Variants in TTLL11 observed in about 807,000 individuals in gnomAD.
TTLL11 encodes the protein tubulin polyglutamylase TTLL11.
In TTLL11, 42 loss-of-function variants were observed where a neutral mutation model predicts 51.7. The observed-to-expected ratio is 0.81, with a 90% CI of 0.64 to 1.05. The LOEUF (loss-of-function observed/expected upper bound fraction) is 1.05, where lower values mean the gene tolerates loss of function less well. Among genes scored for constraint, TTLL11 ranks in the 50% least tolerant of loss-of-function variants. TTLL11 has a pLI of 0.00. For synonymous variants in TTLL11, 381 were observed against 383.5 expected (o/e 0.99, Z 0.08); for missense variants, 799 against 940.4 (o/e 0.85, Z 1.97).
chr9:121,964,650 G>C (rs1166090562), intron 6 of TTLL11, among the ~76,000 whole-genome samples: 1 of 151,976 alleles, frequency 6.6e-6, no homozygotes, highest in Admixed American at 6.6e-5. Flanking sequence ...TTTCCATCTA[G>C]CTCCCACCTT....
chr9:121,862,303 G>A (rs1016144910), intron 7 of TTLL11, among the ~76,000 whole-genome samples: 5 of 152,036 alleles, frequency 3.3e-5, no homozygotes, highest in African/African-American at 1.2e-4. Context: ...GTGTGACTGT[G>A]GGGAATTTAC....
At chr9:121,976,835 G>A (rs537551364) in intron 4 of TTLL11, among the ~76,000 whole-genome samples, 2 of 152,294 alleles carry the variant, frequency 1.3e-5, no homozygotes, top group East Asian at 3.9e-4. Context: ...AGTAGAAAAT[G>A]TTGCATGGAT....
intron 8 of TTLL11, among the ~76,000 whole-genome samples, chr9:121,852,791 T>C (rs189480867): frequency 1.3e-5 from 2 of 152,170 alleles, no homozygotes; most frequent in South Asian, 2.1e-4. Flanking sequence ...TTAAAAATAA[T>C]TCTGACGCCA....
intron 8 of TTLL11, among the ~76,000 whole-genome samples, chr9:121,846,055 C>CA (rs1203343371): frequency 1.2e-4 from 13 of 112,394 alleles, no homozygotes; most frequent in East Asian, 5.1e-4. Context: ...GTAAAAACAA[C>CA]AAAAAAAAGA....
chr9:122,035,917 T>C (rs145747460), intron 2 of TTLL11, among the ~76,000 whole-genome samples: 1 of 152,224 alleles, frequency 6.6e-6, no homozygotes, highest in Non-Finnish European at 1.5e-5. Context: ...CCTCTAACCA[T>C]GGTAGGCCAC....
rs757520428 is a variant in TTLL11, at chr9:121,995,518, T to C, written c.694-5748A>G. On this transcript the variant is annotated intron_variant, in intron 3 of 8. Coordinates refer to ENST00000321582, the MANE Select transcript of TTLL11 (RefSeq NM_001139442.2). This position sits in a 1 kb window ranked among gnomAD's most constrained non-coding sequence, Gnocchi z 4.4. Reference sequence around the variant, plus strand: ...TGAAAGGCGAGAGAGGAAAGGGTCATGGGTGAGCTCACGGTTTGGGACTTC... The same window carrying C: ...TGAAAGGCGAGAGAGGAAAGGGTCACGGGTGAGCTCACGGTTTGGGACTTC... 3.9e-5 allele frequency among the ~76,000 whole-genome samples: 6 copies of C among 152,038 alleles called. No homozygotes were observed. The highest frequency in any genetic ancestry group is 7.4e-5 in the Non-Finnish European group (5 of 67,996).
At chr9:121,962,331 G>A (rs991507136) in intron 6 of TTLL11, among the ~76,000 whole-genome samples, 3 of 152,030 alleles carry the variant, frequency 2.0e-5, no homozygotes, top group African/African-American at 4.8e-5. Flanking sequence ...ACCCCAAAAC[G>A]CCCCTTTGGA....
chr9:121,953,927 C>T (rs966863698), intron 6 of TTLL11, among the ~76,000 whole-genome samples: 1 of 152,108 alleles, frequency 6.6e-6, no homozygotes, highest in Non-Finnish European at 1.5e-5. Flanking sequence ...CTCTTATTAT[C>T]AATAATTGAG....
chr9:121,890,290 C>T lies in TTLL11; in HGVS notation c.1482-19542G>A, dbSNP rs1031303438. On this transcript the variant is annotated intron_variant, in intron 6 of 8. Coordinates refer to ENST00000321582, the MANE Select transcript of TTLL11 (RefSeq NM_001139442.2). The surrounding 1 kb of genome is among the most constrained non-coding windows in gnomAD (Gnocchi z 4.3). ...AGCATCAAGCCAGCCAAGTCCTATC[C>T]CTCCTGTCACTGCAGTTCACACACA... 2.6e-5 allele frequency among the ~76,000 whole-genome samples: 4 copies of T among 152,170 alleles called. No individual in the cohort carries two copies. Among genetic ancestry groups the T allele is most frequent in the Admixed American group, 2.0e-4 (3 of 15,280 alleles).
At chr9:122,071,632 TGAA>T (rs1222053531) in intron 1 of TTLL11, among the ~76,000 whole-genome samples, 2 of 152,050 alleles carry the variant, frequency 1.3e-5, no homozygotes, top group Non-Finnish European at 2.9e-5. Context: ...CAGCACGGGA[TGAA>T]GGAGAAGGTG....
At chr9:121,980,604 C>CCA (rs1274865078) in intron 4 of TTLL11, among the ~76,000 whole-genome samples, 1 of 152,254 alleles carries the variant, frequency 6.6e-6, no homozygotes, top group Non-Finnish European at 1.5e-5. Context: ...TTCCTCCTGT[C>CCA]CACCAGTATG....
rs557021728 is a variant in TTLL11, at chr9:121,887,180, TAAATGTGACC to T, written c.1482-16442_1482-16433del. Among the ~76,000 whole-genome samples, 310 of 152,340 alleles carry T rather than the reference TAAATGTGACC, an allele frequency of 2.0e-3. 2 individuals are homozygous for T. Among genetic ancestry groups the T allele is most frequent in the Middle Eastern group, 0.01 (3 of 294 alleles). On this transcript the variant is annotated intron_variant, in intron 6 of 8. Transcript: ENST00000321582. ...ACATGTTCACTGAAGCGAATATCTC[TAAATGTGACC>T]AATTTCTTAAGTGGCAGAAGCCCAT...
At position 122,030,973 on chromosome 9, in the gene TTLL11, T is replaced by A. The variant is rs139586343; in HGVS notation, c.693+750A>T. Among the ~76,000 whole-genome samples the A allele has an allele frequency of 5.3e-5, 8 of 151,808 alleles. No individual in the cohort carries two copies. The East Asian group carries it at 1.5e-3, about 29-fold the overall frequency. On this transcript the variant is annotated intron_variant, in intron 3 of 8. Coordinates refer to ENST00000321582, the MANE Select transcript of TTLL11 (RefSeq NM_001139442.2). ...CAAAAATAAAAATAAATAAAATATG[T>A]TAAACTTCTAGCACAAAGCCTGGAA...
At chr9:121,862,007 C>G (rs1838026854) in intron 7 of TTLL11, among the ~76,000 whole-genome samples, 1 of 152,100 alleles carries the variant, frequency 6.6e-6, no homozygotes, top group Non-Finnish European at 1.5e-5. Context: ...AGGGGAGTCA[C>G]CTGGAATTGA....
intron 6 of TTLL11, among the ~76,000 whole-genome samples, chr9:121,917,695 GGAAAGAA>G (rs1212806896): frequency 6.6e-6 from 1 of 150,726 alleles, no homozygotes; most frequent in Non-Finnish European, 1.5e-5. Context: ...AAGGAAGGAA[GGAAAGAA>G]GAAAGAAAGA....
At position 121,989,107 on chromosome 9, in the gene TTLL11, C is replaced by T. The variant is rs1315010733; in HGVS notation, c.1269+88G>A. On this transcript the variant is annotated intron_variant, in intron 4 of 8. Coordinates refer to ENST00000321582, the MANE Select transcript of TTLL11 (RefSeq NM_001139442.2). This position sits in a 1 kb window ranked among gnomAD's most constrained non-coding sequence, Gnocchi z 4.2. ...ACTGTCCCCTCCTCTGGCCATCCCA[C>T]CCCGATCACTCATCCTACACGAAGC... The T allele has an allele frequency of 2.6e-6, 4 of 1,558,178 alleles. No homozygotes were observed. The highest frequency in any genetic ancestry group is 2.3e-5 in the East Asian group (1 of 44,352).
intron 3 of TTLL11, among the ~76,000 whole-genome samples, chr9:122,000,420 C>T (rs1843425000): frequency 7.5e-6 from 1 of 132,608 alleles, no homozygotes. Flanking sequence ...TGCAGTGAGC[C>T]GAGATCTCAC....
At chr9:122,050,392 C>A (rs1278907763) in intron 1 of TTLL11, among the ~76,000 whole-genome samples, 1 of 152,182 alleles carries the variant, frequency 6.6e-6, no homozygotes, top group African/African-American at 2.4e-5. Context: ...TGCCTTCAGG[C>A]AGGTTAATAG....
At chr9:121,945,224 T>C (rs1224960712) in intron 6 of TTLL11, among the ~76,000 whole-genome samples, 1 of 149,730 alleles carries the variant, frequency 6.7e-6, no homozygotes, top group African/African-American at 2.6e-5. Context: ...ATGATCTCTT[T>C]TAATAAAATC....
Sources: allele counts gnomAD v4.1 joint callset (sites outside exome capture counted in the v4.1 genomes callset), GRCh38; gene constraint gnomAD v4.1.1; non-coding constraint Gnocchi (gnomAD v3.1); transcripts MANE v1.5; gene names NCBI Gene and HGNC (gene_info 2026-07-23, HGNC 2026-07-21).